OLFM2: variants seen among roughly 807,000 people sequenced by gnomAD.
The protein encoded by OLFM2 is olfactomedin 2, also known as noelin-2.
In OLFM2, 20 loss-of-function variants were observed where a neutral mutation model predicts 43.9. The ratio of observed to expected loss-of-function variants is 0.46; its 90% CI spans 0.32 to 0.66. The LOEUF is 0.66. Ranked by LOEUF, OLFM2 falls within the 30% of genes least tolerant of loss-of-function variation. The pLI is 0.04. For synonymous variants in OLFM2, 268 were observed against 278.6 expected (o/e 0.96, Z 0.38); for missense variants, 416 against 643.6 (o/e 0.65, Z 3.83).
intron 1 of OLFM2, among the ~76,000 whole-genome samples, chr19:9,923,374 G>T (rs2086432190): frequency 6.6e-6 from 1 of 151,566 alleles, no homozygotes; most frequent in African/African-American, 2.4e-5. Flanking sequence ...GGCCAACATG[G>T]TGAAATCCTG....
chr19:9,900,727 C>CA (rs2046724574), intron 1 of OLFM2, among the ~76,000 whole-genome samples: 1 of 151,076 alleles, frequency 6.6e-6, no homozygotes, highest in African/African-American at 2.4e-5. Context: ...CCTGTCTCTA[C>CA]AAAAAAATTA....
Position 9,881,062 on chromosome 19 carries a change from A to G in OLFM2, c.64-20268T>C, listed in dbSNP as rs548001560. Among the ~76,000 whole-genome samples the G allele has an allele frequency of 2.5e-4, 38 of 152,110 alleles. No individual in the cohort carries two copies. In the South Asian group the frequency reaches 7.9e-3, roughly 32 times the overall value. On this transcript the variant is annotated intron_variant, in intron 1 of 5. Transcript: ENST00000264833. ...ACAGGCACCTACTACCACACCCGGC[A>G]AATTTTTGTATTTTTAGTAGAGACG...
chr19:9,932,509 GCACT>G (rs989079328), intron 1 of OLFM2, among the ~76,000 whole-genome samples: 13 of 151,594 alleles, frequency 8.6e-5, no homozygotes, highest in Non-Finnish European at 1.9e-4. Flanking sequence ...CACGGAGTAA[GCACT>G]CAGAGAGTGG....
intron 1 of OLFM2, among the ~76,000 whole-genome samples, chr19:9,924,791 G>A (rs1005541128): frequency 6.6e-6 from 1 of 151,982 alleles, no homozygotes; most frequent in South Asian, 2.1e-4. Flanking sequence ...CGTGTGTCAC[G>A]GAGAAAAGAC....
At chr19:9,929,729 C>G (rs1599505508) in intron 1 of OLFM2, among the ~76,000 whole-genome samples, 2 of 152,100 alleles carry the variant, frequency 1.3e-5, no homozygotes, top group Middle Eastern at 6.8e-3. Context: ...ACACCAGCCA[C>G]TGGGCTCATC....
At chr19:9,893,085 T>C (rs1411745303) in intron 1 of OLFM2, among the ~76,000 whole-genome samples, 2 of 152,204 alleles carry the variant, frequency 1.3e-5, no homozygotes, top group Non-Finnish European at 2.9e-5. Context: ...CTCTCCCAGT[T>C]AAGCCTTTGT....
intron 1 of OLFM2, among the ~76,000 whole-genome samples, chr19:9,919,323 C>T (rs1271273805): frequency 1.3e-5 from 2 of 151,934 alleles, no homozygotes; most frequent in African/African-American, 4.8e-5. Flanking sequence ...CCTACCACCA[C>T]GCCCGGAGAA....
chr19:9,892,527 A>G (rs558093513), intron 1 of OLFM2, among the ~76,000 whole-genome samples: 1 of 152,130 alleles, frequency 6.6e-6, no homozygotes, highest in South Asian at 2.1e-4. Flanking sequence ...CCTGGCCAAC[A>G]TGGCAAAACC....
intron 1 of OLFM2, among the ~76,000 whole-genome samples, chr19:9,897,615 T>C (rs913199346): frequency 2.0e-5 from 3 of 152,202 alleles, no homozygotes; most frequent in Admixed American, 6.6e-5. Context: ...TTTGAGGCTC[T>C]CCATGACCTC....
At position 9,856,259 on chromosome 19, in the gene OLFM2, C is replaced by T. The variant is rs1212050817; in HGVS notation, c.687+548G>A. On this transcript the variant is annotated intron_variant, in intron 5 of 5. Coordinates refer to ENST00000264833, the MANE Select transcript of OLFM2 (RefSeq NM_058164.4). This position sits in a 1 kb window ranked among gnomAD's most constrained non-coding sequence, Gnocchi z 4.0. ...GATTACAGGCATGCACCACCATGTC[C>T]GGCTAATTTTGTATTTTTAGTAGAG... Among the ~76,000 whole-genome samples, 3 of 152,134 alleles carry T rather than the reference C, an allele frequency of 2.0e-5. No homozygotes were observed. The highest frequency in any genetic ancestry group is 1.9e-4 in the East Asian group (1 of 5,190).
chr19:9,928,931 G>A (rs903239209), intron 1 of OLFM2, among the ~76,000 whole-genome samples: 2 of 151,974 alleles, frequency 1.3e-5, no homozygotes, highest in Non-Finnish European at 2.9e-5. Context: ...GGATGAAGTT[G>A]CAAGACACAC....
At chr19:9,900,874 G>C (rs116178429) in intron 1 of OLFM2, among the ~76,000 whole-genome samples, 1 of 142,056 alleles carries the variant, frequency 7.0e-6, no homozygotes, top group African/African-American at 2.6e-5. Flanking sequence ...CTGAGTGACA[G>C]AGCAAGACCT....
chr19:9,875,681 T>C (rs567632435), intron 1 of OLFM2, among the ~76,000 whole-genome samples: 1 of 147,180 alleles, frequency 6.8e-6, no homozygotes, highest in South Asian at 2.2e-4. Flanking sequence ...TTTTCTTTTG[T>C]TTTTTGTTTG....
intron 1 of OLFM2, among the ~76,000 whole-genome samples, chr19:9,896,323 T>A (rs1004437136): frequency 6.6e-6 from 1 of 152,068 alleles, no homozygotes; most frequent in African/African-American, 2.4e-5. Context: ...ATGGTCTCAA[T>A]CTCCTCACCT....
chr19:9,860,929 T>C (rs2046361842), intron 1 of OLFM2, 135 bp from the exon 2 acceptor site: 15 of 881,470 alleles, frequency 1.7e-5, no homozygotes, highest in Non-Finnish European at 2.5e-5. Context: ...GCCTGTTGTG[T>C]GTGATCTCAG....
intron 1 of OLFM2, among the ~76,000 whole-genome samples, chr19:9,889,165 G>A (rs66490745): frequency 0.12 from 18,607 of 151,980 alleles, 1,328 homozygotes; most frequent in African/African-American, 0.19. Flanking sequence ...GAGGGGAGGG[G>A]GTGTGCTTGG....
At chr19:9,933,631 C>T (rs527978506) in intron 1 of OLFM2, among the ~76,000 whole-genome samples, 121 of 150,650 alleles carry the variant, frequency 8.0e-4, no homozygotes, top group African/African-American at 2.8e-3. Context: ...TCGCAGCTCA[C>T]CGCAACCTCT....
intron 1 of OLFM2, among the ~76,000 whole-genome samples, chr19:9,921,678 G>C (rs542692457): frequency 5.3e-5 from 8 of 151,736 alleles, no homozygotes; most frequent in African/African-American, 1.9e-4. Flanking sequence ...GTAGAGACGG[G>C]GTTTCACCAT....
Position 9,907,434 on chromosome 19 carries a change from C to T in OLFM2, c.63+28870G>A, listed in dbSNP as rs577620069. On this transcript the variant is annotated intron_variant, in intron 1 of 5. Transcript: ENST00000264833. ...CCAAGACGGTGCCACTGCACTCCAG[C>T]CTGGGTGAGAGCGAGATTCTATCTC... 3.9e-5 allele frequency among the ~76,000 whole-genome samples: 6 copies of T among 152,004 alleles called. No individual in the cohort carries two copies. The South Asian group carries it at 6.2e-4, about 16-fold the overall frequency.
Sources: gnomAD v4.1 joint callset for allele counts (sites outside exome capture counted in the v4.1 genomes callset) on GRCh38, gnomAD v4.1.1 for gene constraint, Gnocchi (gnomAD v3.1) non-coding constraint, MANE v1.5 for transcripts, NCBI Gene and HGNC (gene_info 2026-07-23, HGNC 2026-07-21) for gene names.